MCF2L: variants seen among roughly 807,000 people sequenced by gnomAD.
MCF2L encodes the protein MCF.2 cell line derived transforming sequence like.
MCF2L carries 97 observed loss-of-function variants against 153.4 expected under a neutral mutation model. That is an observed-to-expected ratio of 0.63 (90% confidence interval 0.54 to 0.75). The LOEUF (loss-of-function observed/expected upper bound fraction) is 0.75, where lower values mean the gene tolerates loss of function less well. MCF2L is among the 30% of genes least tolerant of loss of function. The pLI is 0.00. For missense variants in MCF2L, 1,347 were observed against 1,495.2 expected (o/e 0.90, Z 1.64); for synonymous variants, 659 against 632.2 (o/e 1.04, Z -0.64).
At chr13:113,032,355 C>T (rs540856648) in intron 3 of MCF2L, among the ~76,000 whole-genome samples, 3 of 152,314 alleles carry the variant, frequency 2.0e-5, no homozygotes, top group South Asian at 2.1e-4. Flanking sequence ...CAATTTAATA[C>T]GTGTGCATTA....
chr13:112,915,183 G>A (rs981250375), intron 2 of MCF2L, among the ~76,000 whole-genome samples: 1 of 151,936 alleles, frequency 6.6e-6, no homozygotes, highest in Admixed American at 6.6e-5. Flanking sequence ...GCTGAGGTCG[G>A]TGGATCACAA....
At position 113,011,467 on chromosome 13, in the gene MCF2L, CAGATGGTGGACAGGCGGTGT is replaced by C. The variant is rs1197052478; in HGVS notation, c.80-3295_80-3276del. 2.9e-3 allele frequency among the ~76,000 whole-genome samples: 434 copies of C among 147,678 alleles called. 3 individuals carry two copies. Among genetic ancestry groups the C allele is most frequent in the African/African-American group, 0.01 (407 of 39,704 alleles). On this transcript the variant is annotated intron_variant, in intron 1 of 29. Transcript: ENST00000535094. ...GGTGTGGATGGTGGACACTGCAGTGCAGATGGTGGACAGGCGGTGTGGATGGTGGACAGGTGGTGTGGACG... is the reference window on the plus strand; with the variant it reads ...GGTGTGGATGGTGGACACTGCAGTGCGGATGGTGGACAGGTGGTGTGGACG...
intron 2 of MCF2L, among the ~76,000 whole-genome samples, chr13:112,915,293 C>T (rs1307463671): frequency 2.6e-5 from 4 of 151,436 alleles, no homozygotes; most frequent in African/African-American, 7.3e-5. Flanking sequence ...CCTGTAGTCC[C>T]AGCTACTCAG....
chr13:112,979,611 G>A (rs958732971), intron 1 of MCF2L: 2 of 1,608,320 alleles, frequency 1.2e-6, no homozygotes, highest in African/African-American at 1.3e-5. Flanking sequence ...TGTGGTCCCT[G>A]CGTGAAGAAC....
chr13:113,019,441 C>T (rs1031282320), intron 2 of MCF2L, among the ~76,000 whole-genome samples: 2 of 152,230 alleles, frequency 1.3e-5, no homozygotes, highest in Non-Finnish European at 2.9e-5. Context: ...CAGCCACAGA[C>T]AGACAGACGT....
chr13:112,898,500 C>T (rs1234610182), intron 1 of MCF2L, among the ~76,000 whole-genome samples: 1 of 152,176 alleles, frequency 6.6e-6, no homozygotes, highest in Non-Finnish European at 1.5e-5. Context: ...TGGCCACTCG[C>T]AGCCTCCCTC....
chr13:112,969,396 G>A lies in MCF2L; in HGVS notation c.17G>A (p.Arg6Lys). MRFWL[R>K]TEEMALEEMV... is the part of the protein sequence containing the mutation. ...TGTCGGAGGATGAGGTTTTGGCTGA[G>A]GACTGAAGAGATGGCCTTGGAAGAA... is the stretch of plus-strand genomic sequence containing the variant. The change falls in exon 1 of 30, where the codon AGG becomes AAG. Residue 6 changes from arginine to lysine, a missense_variant. This residue lies in a region of MCF2L where 820 missense variants were observed against 921.2 expected (regional missense o/e 0.89). Transcript: ENST00000535094. The surrounding 1 kb of genome is among the most constrained non-coding windows in gnomAD (Gnocchi z 4.8). 1 of 1,550,430 alleles carries A rather than the reference G, an allele frequency of 6.4e-7. No individual in the cohort carries two copies.
Position 113,018,860 on chromosome 13 carries a change from A to C in MCF2L, c.163+4014A>C, listed in dbSNP as rs146658468. Among the ~76,000 whole-genome samples the C allele has an allele frequency of 1.3e-3, 200 of 152,260 alleles. 2 individuals are homozygous for C. Among genetic ancestry groups the C allele is most frequent in the African/African-American group, 4.7e-3 (196 of 41,550 alleles). ...GACGGCGGCCCCCCTCCCACTGCCC[A>C]GGCGGCTCTTGGGAATTTCGTTTTG... On this transcript the variant is annotated intron_variant, in intron 2 of 29. Coordinates refer to ENST00000535094, the MANE Select transcript of MCF2L (RefSeq NM_001112732.3).
intron 1 of MCF2L, among the ~76,000 whole-genome samples, chr13:112,999,041 C>T (rs541207513): frequency 4.6e-5 from 7 of 152,310 alleles, no homozygotes; most frequent in African/African-American, 1.7e-4. Context: ...GTTCGGGCCA[C>T]GTGTTCCGGC....
At position 112,969,398 on chromosome 13, in the gene MCF2L, A is replaced by C. The variant is rs148315657; in HGVS notation, c.19A>C (p.Thr7Pro). Residue 7 changes from threonine (T) to proline (P), a missense_variant, in exon 1 of 30, where the codon ACT becomes CCT. Physicochemically the swap from Thr to Pro is conservative, Grantham distance 38. Around this residue, in one of 3 missense-constraint regions of MCF2L, gnomAD observed 820 missense variants for 921.2 expected, o/e 0.89. Transcript: ENST00000535094. The surrounding 1 kb of genome is among the most constrained non-coding windows in gnomAD (Gnocchi z 4.8). The stretch of plus-strand genomic sequence containing the variant: ...TCGGAGGATGAGGTTTTGGCTGAGG[A>C]CTGAAGAGATGGCCTTGGAAGAAAT... MRFWLRTEEMALEEMVQ... is the reference protein window; with the variant it reads MRFWLRPEEMALEEMVQ... 1 of 1,550,430 alleles carries C rather than the reference A, an allele frequency of 6.4e-7. No homozygotes were observed. The highest frequency in any genetic ancestry group is 8.7e-7 in the Non-Finnish European group (1 of 1,146,880).
chr13:112,899,767 G>C (rs372812822), intron 1 of MCF2L, among the ~76,000 whole-genome samples: 6 of 152,336 alleles, frequency 3.9e-5, no homozygotes, highest in African/African-American at 1.4e-4. Context: ...CCCTGTGGAC[G>C]GAGGGATCGC....
chr13:113,001,866 C>T (rs1340165634), intron 1 of MCF2L: 4 of 1,554,494 alleles, frequency 2.6e-6, no homozygotes, highest in Non-Finnish European at 1.7e-6. Flanking sequence ...CCGGGAAGGG[C>T]GTTCCGGGAG....
At position 112,920,879 on chromosome 13, in the gene MCF2L, C is replaced by T. The variant is rs543378449; in HGVS notation, c.169+18508C>T. Among the ~76,000 whole-genome samples, 109 of 152,150 alleles carry T rather than the reference C, an allele frequency of 7.2e-4. 2 individuals carry two copies. The highest frequency in any genetic ancestry group is 2.4e-3 in the African/African-American group (99 of 41,500). The stretch of plus-strand genomic sequence containing the variant: ...ACAAGAGACACTCCTGAAAGAAACA[C>T]AGCCATGGCCAGGCGCGGTGGCTCA... On this transcript the variant is annotated intron_variant, in intron 2 of 29. Transcript: ENST00000375608.
chr13:112,991,924 G>A lies in MCF2L; in HGVS notation c.79+22466G>A, dbSNP rs572799723. On this transcript the variant is annotated intron_variant, in intron 1 of 29. Coordinates refer to ENST00000535094, the MANE Select transcript of MCF2L (RefSeq NM_001112732.3). ...AAAAGCACCTGTCTTACCCTCCCTA[G>A]TGATCTCACTGTATTTAAAATATTT... is the stretch of plus-strand genomic sequence containing the variant. Among the ~76,000 whole-genome samples the A allele has an allele frequency of 4.6e-5, 7 of 152,276 alleles. No individual in the cohort carries two copies. The South Asian group carries it at 1.5e-3, about 32-fold the overall frequency.
chr13:112,973,664 G>T (rs2082125025), intron 1 of MCF2L, among the ~76,000 whole-genome samples: 1 of 152,236 alleles, frequency 6.6e-6, no homozygotes, highest in African/African-American at 2.4e-5. Flanking sequence ...CTTCACCTGT[G>T]GAACCAGGGG....
At chr13:112,950,581 T>C (rs529514217) in intron 2 of MCF2L, among the ~76,000 whole-genome samples, 13 of 152,268 alleles carry the variant, frequency 8.5e-5, no homozygotes, top group African/African-American at 2.9e-4. Flanking sequence ...CACACAAATA[T>C]GCCCAACTGA....
At chr13:112,929,775 G>A (rs2140614662) in intron 2 of MCF2L, among the ~76,000 whole-genome samples, 1 of 152,332 alleles carries the variant, frequency 6.6e-6, no homozygotes, top group African/African-American at 2.4e-5. Context: ...GGTCGGGATG[G>A]CGGAGTGACC....
chr13:112,945,779 G>C (rs1010588976), intron 2 of MCF2L, among the ~76,000 whole-genome samples: 6 of 152,218 alleles, frequency 3.9e-5, no homozygotes, highest in Non-Finnish European at 8.8e-5. Flanking sequence ...CAGTAAGTGT[G>C]GTTGTCAAAA....
chr13:112,963,480 A>C lies in MCF2L; in HGVS notation c.170-51283A>C, dbSNP rs533098566. ...GACTTGTGTGGGGACTGGGATAGGC[A>C]CCAGGTGGAACCTCAGGTCTGTCAG... is the stretch of plus-strand genomic sequence containing the variant. On this transcript the variant is annotated intron_variant, in intron 2 of 29. Coordinates refer to the MCF2L transcript ENST00000375608. Among the ~76,000 whole-genome samples, 8 of 152,182 alleles carry C rather than the reference A, an allele frequency of 5.3e-5. No homozygotes were observed. In the South Asian group the frequency reaches 6.2e-4, roughly 12 times the overall value.
Sources: gnomAD v4.1 joint callset for allele counts (sites outside exome capture counted in the v4.1 genomes callset) on GRCh38, gnomAD v4.1.1 for gene constraint, gnomAD v4.1.1 regional missense constraint, Gnocchi (gnomAD v3.1) non-coding constraint, MANE v1.5 for transcripts, NCBI Gene and HGNC (gene_info 2026-07-23, HGNC 2026-07-21) for gene names.